The following SLCO3A1 variants were observed in gnomAD, a reference collection of about 807,000 sequenced individuals.
SLCO3A1 encodes PGE1 transporter.
SLCO3A1 carries 27 observed loss-of-function variants against 63.1 expected under a neutral mutation model. The observed-to-expected ratio is 0.43, with a 90% CI of 0.32 to 0.59. The LOEUF (loss-of-function observed/expected upper bound fraction) is 0.59. Among genes scored for constraint, SLCO3A1 ranks in the 20% least tolerant of loss-of-function variants. SLCO3A1 has a pLI of 0.09. For missense variants in SLCO3A1, 773 were observed against 945.8 expected, an observed-to-expected ratio of 0.82 and a Z score of 2.40; for synonymous variants, 473 against 409.9, an observed-to-expected ratio of 1.15 and a Z score of -1.86.
At chr15:92,011,190 C>T (rs1037824110) in intron 2 of SLCO3A1, among the ~76,000 whole-genome samples, 3 of 152,220 alleles carry the variant, frequency 2.0e-5, no homozygotes, top group African/African-American at 7.2e-5. Context: ...ATTGCATTTC[C>T]TCTCCTTTCT....
chr15:92,080,042 C>T (rs1409129077), intron 2 of SLCO3A1, among the ~76,000 whole-genome samples: 2 of 152,254 alleles, frequency 1.3e-5, no homozygotes, highest in Non-Finnish European at 2.9e-5. Context: ...TGTGCCTTCA[C>T]CCTGGTAAGG....
At chr15:92,036,426 G>A (rs28458969) in intron 2 of SLCO3A1, among the ~76,000 whole-genome samples, 8,642 of 144,522 alleles carry the variant, frequency 0.06, 688 homozygotes, top group African/African-American at 0.19. Context: ...ATTCCACTTC[G>A]CCAAGAATTA....
intron 2 of SLCO3A1, among the ~76,000 whole-genome samples, chr15:91,990,570 C>G (rs146343016): frequency 3.8e-4 from 58 of 152,088 alleles, no homozygotes; most frequent in Admixed American, 1.2e-3. Context: ...TGTTCTTAAC[C>G]TCCAACTTCT....
intron 2 of SLCO3A1, among the ~76,000 whole-genome samples, chr15:92,012,251 G>T (rs2046377252): frequency 6.6e-6 from 1 of 152,162 alleles, no homozygotes; most frequent in Non-Finnish European, 1.5e-5. Flanking sequence ...TTTGAGATTG[G>T]AGCAGCTTGC....
chr15:92,016,254 TTAGATAGA>T (rs1555424441), intron 2 of SLCO3A1, among the ~76,000 whole-genome samples: 99 of 95,704 alleles, frequency 1.0e-3, no homozygotes, highest in African/African-American at 2.9e-3. Flanking sequence ...GATAGATAGA[TTAGATAGA>T]TAGATAGATA....
At chr15:91,966,729 A>G (rs1900674573) in intron 2 of SLCO3A1, among the ~76,000 whole-genome samples, 1 of 152,250 alleles carries the variant, frequency 6.6e-6, no homozygotes, top group African/African-American at 2.4e-5. Context: ...CTGGTGTATT[A>G]GAATGTCTCA....
At position 92,163,417 on chromosome 15, in the gene SLCO3A1, G is replaced by T; in HGVS notation, c.*282G>T. 9.2e-7 allele frequency: 1 copy of T among 1,082,788 alleles called. No homozygotes were observed. The highest frequency in any genetic ancestry group is 5.2e-5 in the Admixed American group (1 of 19,344). The allele number at this position is 1,082,788 out of a possible 1,614,324, so 67.1% of individuals were successfully genotyped here. ...GAAGGCACCTCATGGTTTTCAGGAT[G>T]CTGACAGCTGCAAGCAACAGGCACT... On this transcript the variant is annotated 3_prime_UTR_variant, in exon 10 of 10. Transcript: ENST00000318445.
chr15:92,118,034 A>C (rs1012661910), intron 4 of SLCO3A1, among the ~76,000 whole-genome samples: 2 of 152,274 alleles, frequency 1.3e-5, no homozygotes, highest in Non-Finnish European at 1.5e-5. Flanking sequence ...CTAAAAATTC[A>C]GATGATGGTA....
chr15:92,114,008 C>T (rs74030486), intron 4 of SLCO3A1, among the ~76,000 whole-genome samples: 1 of 152,154 alleles, frequency 6.6e-6, no homozygotes. Flanking sequence ...CTAGATGATT[C>T]TTTGTGAACT....
intron 2 of SLCO3A1, among the ~76,000 whole-genome samples, chr15:91,972,346 A>G (rs79259686): frequency 5.3e-4 from 81 of 152,142 alleles, no homozygotes; most frequent in South Asian, 1.7e-3. Context: ...TTTCAACAGA[A>G]CTCGAATAGG....
chr15:92,079,636 C>A (rs1335686303), intron 2 of SLCO3A1, among the ~76,000 whole-genome samples: 2 of 152,230 alleles, frequency 1.3e-5, no homozygotes, highest in East Asian at 3.9e-4. Context: ...GCTGAGGTTC[C>A]CGCGGCCAGG....
Position 92,163,838 on chromosome 15 carries a change from G to C in SLCO3A1, c.*703G>C, listed in dbSNP as rs1048444936. 2.0e-6 allele frequency: 2 copies of C among 985,396 alleles called. No individual in the cohort carries two copies. Among genetic ancestry groups the C allele is most frequent in the African/African-American group, 3.5e-5 (2 of 57,202 alleles). The allele number at this position is 985,396 out of a possible 1,614,324, so 61.0% of individuals were successfully genotyped here. A position where few individuals can be genotyped will look rare whatever the true frequency, so the allele number is the denominator to read the frequency against. On this transcript the variant is annotated 3_prime_UTR_variant, in exon 10 of 10. Coordinates refer to ENST00000318445, the MANE Select transcript of SLCO3A1 (RefSeq NM_013272.4). ...TCACCAGCTCCATTTCCATGTTCAA[G>C]ACTGAGGGCCTGAGGGGGAGCCAGG...
rs1597152702 is a variant in SLCO3A1, at chr15:91,954,151, T to C, written c.646+37693T>C. On this transcript the variant is annotated intron_variant, in intron 2 of 9. Coordinates refer to ENST00000318445, the MANE Select transcript of SLCO3A1 (RefSeq NM_013272.4). The surrounding 1 kb of genome is among the most constrained non-coding windows in gnomAD (Gnocchi z 4.7). ...GAAAGGCACATACAGTCTGTGAAGA[T>C]AGTTTTGACCTCCTAGACCTCTCTG... Among the ~76,000 whole-genome samples, 2 of 152,292 alleles carry C rather than the reference T, an allele frequency of 1.3e-5. No homozygotes were observed. Among genetic ancestry groups the C allele is most frequent in the African/African-American group, 4.8e-5 (2 of 41,572 alleles).
intron 5 of SLCO3A1, among the ~76,000 whole-genome samples, chr15:92,124,622 A>C (rs2047900301): frequency 6.6e-6 from 1 of 152,204 alleles, no homozygotes; most frequent in African/African-American, 2.4e-5. Flanking sequence ...GTTTTTGTCC[A>C]CAGGAAAGCT....
intron 2 of SLCO3A1, among the ~76,000 whole-genome samples, chr15:92,046,327 C>T (rs535730280): frequency 3.6e-4 from 54 of 151,356 alleles, no homozygotes; most frequent in Non-Finnish European, 6.5e-4. Flanking sequence ...CCAGCCTGGC[C>T]AACATGGTGA....
At chr15:91,932,043 T>C (rs900326790) in intron 2 of SLCO3A1, among the ~76,000 whole-genome samples, 4 of 152,136 alleles carry the variant, frequency 2.6e-5, no homozygotes, top group Non-Finnish European at 4.4e-5. Flanking sequence ...GGAAGCTCCA[T>C]TGAGAGAGTG....
At chr15:91,965,066 C>G (rs1900607762) in intron 2 of SLCO3A1, among the ~76,000 whole-genome samples, 1 of 152,142 alleles carries the variant, frequency 6.6e-6, no homozygotes, top group Non-Finnish European at 1.5e-5. Flanking sequence ...TGACAGCAAA[C>G]ATACCCAGGG....
Position 91,916,051 on chromosome 15 carries a change from T to G in SLCO3A1, c.239T>G (p.Val80Gly). The G allele has an allele frequency of 6.2e-7, 1 of 1,613,394 alleles. No homozygotes were observed. The highest frequency in any genetic ancestry group is 8.5e-7 in the Non-Finnish European group (1 of 1,179,988). Residue 80 changes from valine to glycine, a missense_variant, in exon 2 of 10, where the codon GTG becomes GGG. By Grantham distance (109) the Val-to-Gly change is moderately radical (BLOSUM62 -3). Coordinates refer to ENST00000318445, the MANE Select transcript of SLCO3A1 (RefSeq NM_013272.4). This position sits in a 1 kb window ranked among gnomAD's most constrained non-coding sequence, Gnocchi z 6.2. ...RFNLQSADVG[V>G]IASSFEIGNL... The stretch of plus-strand genomic sequence containing the variant: ...AACCTGCAGAGCGCTGACGTGGGTG[T>G]GATCGCTAGCAGCTTCGAGATCGGG...
At chr15:91,877,342 C>A (rs546378550) in intron 1 of SLCO3A1, among the ~76,000 whole-genome samples, 1 of 152,138 alleles carries the variant, frequency 6.6e-6, no homozygotes, top group African/African-American at 2.4e-5. Context: ...TTAAGATGTT[C>A]GTGTTCTTTG....
Sources: gnomAD v4.1 joint callset for allele counts (sites outside exome capture counted in the v4.1 genomes callset) on GRCh38, gnomAD v4.1.1 for gene constraint, Gnocchi (gnomAD v3.1) non-coding constraint, MANE v1.5 for transcripts, NCBI Gene and HGNC (gene_info 2026-07-23, HGNC 2026-07-21) for gene names.